Variants in KMT5B observed in about 807,000 individuals in gnomAD.
The protein encoded by KMT5B is histone-lysine N-methyltransferase KMT5B.
Under a neutral mutation model 83.2 loss-of-function variants are expected in KMT5B, and 10 were observed. The ratio of observed to expected loss-of-function variants is 0.12; its 90% confidence interval spans 0.07 to 0.20. The LOEUF (loss-of-function observed/expected upper bound fraction) is 0.20. Ranked by LOEUF, KMT5B falls within the 10% of genes least tolerant of loss-of-function variation. The probability of loss-of-function intolerance (pLI) is 1.00; values close to 1 mark genes in which losing one functional copy is unlikely to be tolerated. For missense variants in KMT5B, 753 were observed against 1,067.2 expected, an observed-to-expected ratio of 0.71 and a Z score of 4.10; for synonymous variants, 349 against 388.8, an observed-to-expected ratio of 0.90 and a Z score of 1.20.
chr11:68,165,766 A>AT lies in KMT5B; in HGVS notation c.1174+1215dup, dbSNP rs1855260887. On this transcript the variant is annotated intron_variant, in intron 10 of 10. Transcript: ENST00000304363. ...GAGAATCAACAGTCAACAGTTAATG[A>AT]TTGACTAACTCTTGTTGTTCACTCT... The AT allele has an allele frequency of 2.7e-6, 4 of 1,496,120 alleles. No individual in the cohort carries two copies. The South Asian group carries it at 5.7e-5, about 21-fold the overall frequency. 92.7% of individuals were successfully genotyped at this position (1,496,120 alleles called of 1,614,324 possible). A position where few individuals can be genotyped will look rare whatever the true frequency, so the allele number is the denominator to read the frequency against.
chr11:68,173,789 T>C lies in KMT5B; in HGVS notation c.653+15A>G. The C allele has an allele frequency of 1.4e-6, 2 of 1,409,076 alleles. No homozygotes were observed. The highest frequency in any genetic ancestry group is 2.0e-6 in the Non-Finnish European group (2 of 1,007,864). 87.3% of individuals were successfully genotyped at this position (1,409,076 alleles called of 1,614,324 possible). ...TTTAAATTAAATTAAAGGCTTATAC[T>C]AGTAGAATAGTTACCACTCTTTTGT... is the stretch of plus-strand genomic sequence containing the variant. On this transcript the variant is annotated intron_variant, in intron 6 of 10. Coordinates refer to ENST00000304363, the MANE Select transcript of KMT5B (RefSeq NM_017635.5).
chr11:68,169,253 C>A (rs1337021444), intron 9 of KMT5B, among the ~76,000 whole-genome samples: 1 of 152,196 alleles, frequency 6.6e-6, no homozygotes, highest in African/African-American at 2.4e-5. Context: ...AATGACTATA[C>A]CTGCAGTTCT....
chr11:68,178,656 A>G (rs1165817090), intron 4 of KMT5B, among the ~76,000 whole-genome samples: 1 of 152,244 alleles, frequency 6.6e-6, no homozygotes, highest in Non-Finnish European at 1.5e-5. Flanking sequence ...GAGATGAGAC[A>G]GTTGTTTTCA....
chr11:68,168,154 C>T (rs1240069132), intron 9 of KMT5B, among the ~76,000 whole-genome samples: 1 of 151,970 alleles, frequency 6.6e-6, no homozygotes, highest in African/African-American at 2.4e-5. Flanking sequence ...AGCAAGACTC[C>T]GTCTAAAAAA....
At chr11:68,195,102 A>T (rs1402285012) in intron 1 of KMT5B, among the ~76,000 whole-genome samples, 11 of 152,220 alleles carry the variant, frequency 7.2e-5, no homozygotes, top group Admixed American at 7.2e-4. Flanking sequence ...GCTGCAGCCC[A>T]GGAAATTGCG....
chr11:68,173,812 T>A lies in KMT5B; in HGVS notation c.645A>T (p.Thr215=), dbSNP rs1163300706. The A allele has an allele frequency of 1.3e-6, 2 of 1,584,418 alleles. No individual in the cohort carries two copies. Among genetic ancestry groups the A allele is most frequent in the Middle Eastern group, 1.7e-4 (1 of 5,960 alleles). The stretch of plus-strand genomic sequence containing the variant: ...ACTAGTAGAATAGTTACCACTCTTT[T>A]GTTGCAACTATTTTGGCTCCATTTT... ...SEQNGAKIVA[T]KEWKRNDKIE... is the part of the protein sequence containing the mutation. The change falls in exon 6 of 11, where the codon ACA becomes ACT. Residue 215 remains threonine (T), a synonymous_variant. Transcript: ENST00000304363.
intron 1 of KMT5B, among the ~76,000 whole-genome samples, chr11:68,202,002 T>C (rs990620103): frequency 1.3e-5 from 2 of 151,752 alleles, no homozygotes; most frequent in South Asian, 2.1e-4. Context: ...GGTGGGAGGA[T>C]GGCTTGAGTC....
At chr11:68,177,283 A>G (rs1194960504) in intron 4 of KMT5B, among the ~76,000 whole-genome samples, 2 of 152,240 alleles carry the variant, frequency 1.3e-5, no homozygotes, top group African/African-American at 4.8e-5. Context: ...TATAGAAATT[A>G]TAACTAGGGT....
chr11:68,199,591 G>T (rs2153082267), intron 1 of KMT5B, among the ~76,000 whole-genome samples: 1 of 152,302 alleles, frequency 6.6e-6, no homozygotes, highest in Non-Finnish European at 1.5e-5. Flanking sequence ...GCAGAGGAGT[G>T]ACACGATCCA....
At chr11:68,174,754 G>A (rs1485515797) in intron 5 of KMT5B, among the ~76,000 whole-genome samples, 1 of 151,930 alleles carries the variant, frequency 6.6e-6, no homozygotes, top group African/African-American at 2.4e-5. Flanking sequence ...TGTTGCCCAG[G>A]CTGGTCTCGA....
chr11:68,167,989 T>C (rs1255636808), intron 9 of KMT5B, among the ~76,000 whole-genome samples: 2 of 151,966 alleles, frequency 1.3e-5, no homozygotes, highest in Admixed American at 6.6e-5. Context: ...CTGGTGAACA[T>C]GGTGAAACCC....
chr11:68,165,689 C>T, intron 10 of KMT5B: 1 of 1,335,254 alleles, frequency 7.5e-7, no homozygotes, highest in Non-Finnish European at 9.6e-7. Context: ...TCTCCAGTTT[C>T]ACCAAGGAAC....
At chr11:68,183,652 C>G (rs1254216407) in intron 3 of KMT5B, among the ~76,000 whole-genome samples, 1 of 147,850 alleles carries the variant, frequency 6.8e-6, no homozygotes, top group African/African-American at 2.5e-5. Context: ...AGCTACCATG[C>G]CCAGTCCTGT....
intron 1 of KMT5B, among the ~76,000 whole-genome samples, chr11:68,205,102 A>G (rs1859924389): frequency 6.6e-6 from 1 of 152,066 alleles, no homozygotes; most frequent in African/African-American, 2.4e-5. Flanking sequence ...ATTTAAAACA[A>G]GTTTTAAAAG....
At chr11:68,212,920 C>G (rs1253423437) in intron 1 of KMT5B, among the ~76,000 whole-genome samples, 1 of 146,980 alleles carries the variant, frequency 6.8e-6, no homozygotes, top group Non-Finnish European at 1.5e-5. Context: ...CCCTTCCGGC[C>G]GCGGCCACCA....
chr11:68,192,431 C>G (rs1292919078), intron 1 of KMT5B, among the ~76,000 whole-genome samples: 1 of 152,104 alleles, frequency 6.6e-6, no homozygotes, highest in Non-Finnish European at 1.5e-5. Context: ...TTGTTCCTTG[C>G]TTGTGTTTAG....
At chr11:68,201,132 A>G (rs1437646210) in intron 1 of KMT5B, among the ~76,000 whole-genome samples, 1 of 152,218 alleles carries the variant, frequency 6.6e-6, no homozygotes, top group Admixed American at 6.5e-5. Flanking sequence ...TTTAAAGCGG[A>G]AACTCCTAAT....
chr11:68,206,898 G>A (rs1352832155), intron 1 of KMT5B, among the ~76,000 whole-genome samples: 1 of 152,068 alleles, frequency 6.6e-6, no homozygotes, highest in Non-Finnish European at 1.5e-5. Context: ...TTTCCCTACA[G>A]TTCCCAAAGA....
chr11:68,178,650 T>C (rs945453794), intron 4 of KMT5B, among the ~76,000 whole-genome samples: 21 of 152,204 alleles, frequency 1.4e-4, no homozygotes, highest in Admixed American at 6.5e-5. Context: ...AGGCAGGAGA[T>C]GAGACAGTTG....
Sources: gnomAD v4.1 joint callset for allele counts (sites outside exome capture counted in the v4.1 genomes callset) on GRCh38, gnomAD v4.1.1 for gene constraint, MANE v1.5 for transcripts, NCBI Gene and HGNC (gene_info 2026-07-23, HGNC 2026-07-21) for gene names.